TAOK3: variants seen among roughly 807,000 people sequenced by gnomAD.
TAOK3 encodes the protein serine/threonine-protein kinase TAO3.
In TAOK3, 40 loss-of-function variants were observed where a neutral mutation model predicts 120.4. The observed-to-expected ratio is 0.33, with a 90% CI of 0.26 to 0.43. TAOK3 has a LOEUF of 0.43. Among genes scored for constraint, TAOK3 ranks in the 20% least tolerant of loss-of-function variants. TAOK3 has a pLI of 1.00. For synonymous variants in TAOK3, 355 were observed against 387.5 expected, an observed-to-expected ratio of 0.92 and a Z score of 0.99; for missense variants, 821 against 1,112.1, an observed-to-expected ratio of 0.74 and a Z score of 3.72.
intron 1 of TAOK3, among the ~76,000 whole-genome samples, chr12:118,307,654 C>A (rs2043100723): frequency 6.6e-6 from 1 of 152,092 alleles, no homozygotes; most frequent in Non-Finnish European, 1.5e-5. Context: ...AATTTCCAAG[C>A]ACTTGATACT....
chr12:118,179,462 G>A (rs1436477905), intron 15 of TAOK3, among the ~76,000 whole-genome samples: 1 of 152,102 alleles, frequency 6.6e-6, no homozygotes, highest in Non-Finnish European at 1.5e-5. Context: ...TTATGGGGAG[G>A]GAGGAGGGAT....
chr12:118,283,340 T>C (rs181362007), intron 1 of TAOK3, among the ~76,000 whole-genome samples: 29 of 152,266 alleles, frequency 1.9e-4, no homozygotes, highest in African/African-American at 5.3e-4. Context: ...AAGTTCAAAA[T>C]AGGGAGCATT....
At chr12:118,270,756 G>C (rs1045534281) in intron 1 of TAOK3, among the ~76,000 whole-genome samples, 9 of 148,684 alleles carry the variant, frequency 6.1e-5, no homozygotes, top group African/African-American at 2.3e-4. Context: ...TTCACTGCAA[G>C]CTCCGCCTCC....
intron 1 of TAOK3, among the ~76,000 whole-genome samples, chr12:118,309,924 C>T (rs1453271245): frequency 2.0e-5 from 3 of 152,012 alleles, no homozygotes; most frequent in African/African-American, 7.2e-5. Flanking sequence ...CTTCTTTTAC[C>T]ATTTTCTTAT....
At chr12:118,216,745 G>A (rs1379957631) in intron 9 of TAOK3, among the ~76,000 whole-genome samples, 3 of 151,948 alleles carry the variant, frequency 2.0e-5, no homozygotes, top group Non-Finnish European at 4.4e-5. Context: ...TGGCTAACAC[G>A]GTGAAACCCT....
At chr12:118,247,185 G>A (rs555428272) in intron 3 of TAOK3, among the ~76,000 whole-genome samples, 6 of 152,078 alleles carry the variant, frequency 3.9e-5, no homozygotes, top group African/African-American at 9.7e-5. Flanking sequence ...AATAGTTAAC[G>A]TGCCTACTTG....
chr12:118,198,267 C>T (rs1206873036), intron 13 of TAOK3: 1 of 152,218 alleles, frequency 6.6e-6, no homozygotes, highest in East Asian at 1.9e-4. Context: ...CCCCAGCTGG[C>T]TAGCTTCTAT....
intron 9 of TAOK3, among the ~76,000 whole-genome samples, chr12:118,224,084 A>G (rs1474819465): frequency 6.6e-6 from 1 of 152,238 alleles, no homozygotes; most frequent in African/African-American, 2.4e-5. Context: ...AATTCTCAAA[A>G]TAGCTTGTCA....
chr12:118,212,731 C>T (rs1186357434), intron 11 of TAOK3, among the ~76,000 whole-genome samples, 183 bp downstream of exon 11: 2 of 152,182 alleles, frequency 1.3e-5, no homozygotes, highest in African/African-American at 4.8e-5. Context: ...ACAGGGAATA[C>T]ATAGCACATA....
chr12:118,286,533 T>C (rs1290217632), intron 1 of TAOK3, among the ~76,000 whole-genome samples: 4 of 151,246 alleles, frequency 2.6e-5, no homozygotes, highest in Non-Finnish European at 5.9e-5. Context: ...ATTATCACCC[T>C]ACTCCTGCAA....
At chr12:118,284,078 C>T (rs2042183783) in intron 1 of TAOK3, among the ~76,000 whole-genome samples, 7 of 151,922 alleles carry the variant, frequency 4.6e-5, no homozygotes, top group Admixed American at 2.6e-4. Context: ...GCACACATCA[C>T]AGAAAAAGAA....
rs778284750 is a variant in TAOK3, at chr12:118,199,093, G to A, written c.1152C>T (p.Asp384=). Reference sequence around the variant, plus strand: ...AGGAGCTGGAATTGATTGTGCTTTCGTCATCGTGCATCATGACAAGTTCGG... The same window carrying A: ...AGGAGCTGGAATTGATTGTGCTTTCATCATCGTGCATCATGACAAGTTCGG... The part of the protein sequence containing the change: ...SSSELVMMHD[D]ESTINSSSSV... Residue 384 remains aspartate (D), a synonymous_variant, in exon 13 of 21, where the codon GAC becomes GAT. Coordinates refer to ENST00000392533, the MANE Select transcript of TAOK3 (RefSeq NM_016281.4). 4.1e-5 allele frequency: 66 copies of A among 1,614,006 alleles called. No homozygotes were observed. The highest frequency in any genetic ancestry group is 1.6e-4 in the Middle Eastern group (1 of 6,084).
chr12:118,278,295 T>C (rs2041975465), intron 1 of TAOK3, among the ~76,000 whole-genome samples: 1 of 152,140 alleles, frequency 6.6e-6, no homozygotes. Context: ...CCCTCCTCCT[T>C]CTTTCCACCC....
chr12:118,260,054 A>T (rs951833756), intron 2 of TAOK3, among the ~76,000 whole-genome samples: 1 of 152,192 alleles, frequency 6.6e-6, no homozygotes, highest in Non-Finnish European at 1.5e-5. Context: ...TCTGGAGGCT[A>T]CTCAGAAGAG....
chr12:118,342,302 C>G lies in TAOK3; in HGVS notation c.-194+30346G>C, dbSNP rs1482394491. Among the ~76,000 whole-genome samples the G allele has an allele frequency of 5.9e-5, 9 of 152,254 alleles. 1 individual carries two copies. The highest frequency in any genetic ancestry group is 3.4e-3 in the Middle Eastern group (1 of 294). On this transcript the variant is annotated intron_variant, in intron 1 of 20. Transcript: ENST00000392533. ...TGTTCTAATTTGTTAACAGATACTA[C>G]TATGTAAGTATGATCAGGAAAAGTT...
chr12:118,218,007 A>C (rs1034077555), intron 9 of TAOK3, among the ~76,000 whole-genome samples: 9 of 149,834 alleles, frequency 6.0e-5, no homozygotes, highest in Non-Finnish European at 1.2e-4. Flanking sequence ...CTACAGGCGC[A>C]TGCCACCACG....
intron 1 of TAOK3, among the ~76,000 whole-genome samples, chr12:118,273,392 T>G (rs794309): frequency 2.0e-5 from 3 of 152,104 alleles, no homozygotes; most frequent in Admixed American, 2.0e-4. Flanking sequence ...GTTCCAGCTA[T>G]TCGGGAGGCT....
chr12:118,341,477 C>T (rs569068358), intron 1 of TAOK3, among the ~76,000 whole-genome samples: 3 of 151,970 alleles, frequency 2.0e-5, no homozygotes, highest in African/African-American at 7.2e-5. Context: ...TAATGCAATG[C>T]ATTTTAAAAA....
At chr12:118,168,088 A>C (rs1030439513) in intron 17 of TAOK3, among the ~76,000 whole-genome samples, 5 of 152,228 alleles carry the variant, frequency 3.3e-5, no homozygotes, top group Admixed American at 6.5e-5. Flanking sequence ...AGCTGTACAT[A>C]TGTATATAGA....
Sources: allele counts gnomAD v4.1 joint callset (sites outside exome capture counted in the v4.1 genomes callset), GRCh38; gene constraint gnomAD v4.1.1; transcripts MANE v1.5; gene names NCBI Gene and HGNC (gene_info 2026-07-23, HGNC 2026-07-21).